The following CLIP2 variants were observed in gnomAD, a reference collection of about 807,000 sequenced individuals.
CLIP2 encodes the protein CAP-Gly domain containing linker protein 2, also known as CAP-Gly domain-containing linker protein 2.
CLIP2 carries 41 observed loss-of-function variants against 111.7 expected under a neutral mutation model. The ratio of observed to expected loss-of-function variants is 0.37; its 90% CI spans 0.29 to 0.48. The LOEUF (loss-of-function observed/expected upper bound fraction) is 0.48. CLIP2 is among the 20% of genes least tolerant of loss of function. CLIP2 has a pLI of 0.99. For missense variants in CLIP2, 1,160 were observed against 1,422.1 expected (o/e 0.82, Z 2.96); for synonymous variants, 660 against 644.2 (o/e 1.02, Z -0.37).
At chr7:74,366,817 A>G (rs1790479062) in intron 8 of CLIP2, among the ~76,000 whole-genome samples, 1 of 145,400 alleles carries the variant, frequency 6.9e-6, no homozygotes, top group South Asian at 2.3e-4. Flanking sequence ...CGGCAGTTAC[A>G]GTGAGCCGCG....
chr7:74,314,284 C>T (rs1161134459), intron 1 of CLIP2, among the ~76,000 whole-genome samples: 6 of 151,308 alleles, frequency 4.0e-5, no homozygotes, highest in Admixed American at 1.3e-4. Flanking sequence ...TAAGGTCAGG[C>T]GTTCAAGACC....
intron 3 of CLIP2, among the ~76,000 whole-genome samples, chr7:74,349,837 G>A (rs1175861554): frequency 1.3e-5 from 2 of 150,892 alleles, no homozygotes; most frequent in Non-Finnish European, 3.0e-5. Context: ...CTGGTCTTTA[G>A]CTCCTGACCT....
chr7:74,352,557 A>G (rs541999134), intron 3 of CLIP2, among the ~76,000 whole-genome samples: 1 of 152,120 alleles, frequency 6.6e-6, no homozygotes. Flanking sequence ...ATCTATGAGT[A>G]CTATCTACTT....
chr7:74,397,277 G>T, intron 14 of CLIP2, 44 bp downstream of exon 14: 1 of 1,590,846 alleles, frequency 6.3e-7, no homozygotes. Context: ...CACTAGTCCG[G>T]GTGGGGCTGG....
intron 3 of CLIP2, among the ~76,000 whole-genome samples, chr7:74,341,442 G>A (rs1789656707): frequency 6.6e-6 from 1 of 152,082 alleles, no homozygotes; most frequent in African/African-American, 2.4e-5. Context: ...GCCTCCCAAA[G>A]TGGTGGGATT....
At chr7:74,351,536 T>TA (rs1211603192) in intron 3 of CLIP2, among the ~76,000 whole-genome samples, 2 of 151,092 alleles carry the variant, frequency 1.3e-5, no homozygotes, top group Non-Finnish European at 2.9e-5. Flanking sequence ...TGTGCTCTAC[T>TA]AAAATAAGTA....
rs140879620 is a variant in CLIP2 at position 74,376,210 on chromosome 7, C to T, written c.1809C>T (p.Thr603=). ...AGLKDKVQQA[T]SENMGLMDNW... is the part of the protein sequence containing the mutation. ...TGAAGGACAAGGTTCAGCAGGCCAC[C>T]AGCGAGAACATGGGGCTAATGGACA... The change falls in exon 10 of 17, where the codon ACC becomes ACT. Residue 603 remains threonine, a synonymous_variant. Coordinates refer to ENST00000223398, the MANE Select transcript of CLIP2 (RefSeq NM_003388.5). The surrounding 1 kb of genome is among the most constrained non-coding windows in gnomAD (Gnocchi z 7.1). 111 of 1,612,558 alleles carry T rather than the reference C, an allele frequency of 6.9e-5. No individual in the cohort carries two copies. The highest frequency in any genetic ancestry group is 3.4e-5 in the Admixed American group (2 of 59,672).
At chr7:74,295,644 A>C (rs77700425) in intron 1 of CLIP2, among the ~76,000 whole-genome samples, 1,651 of 152,278 alleles carry the variant, frequency 0.011, 27 homozygotes, top group African/African-American at 0.036. Context: ...TGTGTTCTTC[A>C]TCTGATTCCA....
At chr7:74,390,198 AAAGAAAG>A (rs1197804034) in intron 13 of CLIP2, among the ~76,000 whole-genome samples, 3 of 140,352 alleles carry the variant, frequency 2.1e-5, no homozygotes, top group African/African-American at 7.5e-5. Flanking sequence ...AGAAAGAAAG[AAAGAAAG>A]AAAGAAAGAA....
chr7:74,293,236 C>G (rs1554725614), intron 1 of CLIP2, among the ~76,000 whole-genome samples: 25 of 152,222 alleles, frequency 1.6e-4, no homozygotes, highest in Non-Finnish European at 8.8e-5. Context: ...GAACAGAGAA[C>G]TTGTGCAGCA....
At chr7:74,296,714 G>A (rs781975120) in intron 1 of CLIP2, among the ~76,000 whole-genome samples, 40 of 151,396 alleles carry the variant, frequency 2.6e-4, no homozygotes, top group Non-Finnish European at 4.4e-4. Flanking sequence ...GCTTGAACCC[G>A]GGAGGCAGAG....
Position 74,338,303 on chromosome 7 carries a change from A to G in CLIP2, c.122-145A>G. 1.1e-6 allele frequency: 1 copy of G among 932,004 alleles called. No homozygotes were observed. The highest frequency in any genetic ancestry group is 1.6e-6 in the Non-Finnish European group (1 of 639,984). The allele number at this position is 932,004 out of a possible 1,614,324, so 57.7% of individuals were successfully genotyped here. A position where few individuals can be genotyped will look rare whatever the true frequency, so the allele number is the denominator to read the frequency against. On this transcript the variant is annotated intron_variant, in intron 2 of 16. Coordinates refer to ENST00000223398, the MANE Select transcript of CLIP2 (RefSeq NM_003388.5). This position sits in a 1 kb window ranked among gnomAD's most constrained non-coding sequence, Gnocchi z 4.3. Reference sequence around the variant, plus strand: ...GATTTCTTGAGGTCAGGAGTTCGAGACCAGCCTGGCCGAGATGGTGAAACC... The same window carrying G: ...GATTTCTTGAGGTCAGGAGTTCGAGGCCAGCCTGGCCGAGATGGTGAAACC...
chr7:74,358,164 G>C (rs1554308936), intron 6 of CLIP2, among the ~76,000 whole-genome samples: 3 of 151,566 alleles, frequency 2.0e-5, no homozygotes, highest in African/African-American at 7.3e-5. Flanking sequence ...CGATTCTCCT[G>C]CCTCAGCCTC....
intron 1 of CLIP2, 39 bp from the exon 2 acceptor site, chr7:74,317,441 G>T: frequency 7.8e-7 from 1 of 1,281,112 alleles, no homozygotes; most frequent in Non-Finnish European, 1.0e-6. Flanking sequence ...GGGGGCCATT[G>T]GGAAGTGATG....
At chr7:74,321,790 A>G (rs969378879) in intron 2 of CLIP2, among the ~76,000 whole-genome samples, 7 of 151,056 alleles carry the variant, frequency 4.6e-5, no homozygotes, top group African/African-American at 1.7e-4. Context: ...TTATTTTTTA[A>G]TAAAAAATAA....
intron 13 of CLIP2, among the ~76,000 whole-genome samples, chr7:74,394,867 G>A (rs1554316437): frequency 6.6e-6 from 1 of 152,174 alleles, no homozygotes; most frequent in Non-Finnish European, 1.5e-5. Flanking sequence ...CCCATCCTAA[G>A]TGGAAAAGTT....
At chr7:74,308,763 CTT>C (rs1554728082) in intron 1 of CLIP2, among the ~76,000 whole-genome samples, 1 of 152,118 alleles carries the variant, frequency 6.6e-6, no homozygotes, top group African/African-American at 2.4e-5. Context: ...CCTCGGCCGT[CTT>C]TTCATGTGCT....
intron 1 of CLIP2, among the ~76,000 whole-genome samples, chr7:74,300,727 A>G (rs1315964685): frequency 1.3e-5 from 2 of 152,184 alleles, no homozygotes; most frequent in Non-Finnish European, 2.9e-5. Context: ...AAGTGCTGGG[A>G]TTACAGGCGT....
intron 2 of CLIP2, among the ~76,000 whole-genome samples, chr7:74,326,966 T>G (rs1554730732): frequency 6.6e-6 from 1 of 151,768 alleles, no homozygotes; most frequent in Non-Finnish European, 1.5e-5. Flanking sequence ...AGTCTCACTC[T>G]GACACCCAGG....
Sources: allele counts gnomAD v4.1 joint callset (sites outside exome capture counted in the v4.1 genomes callset), GRCh38; gene constraint gnomAD v4.1.1; non-coding constraint Gnocchi (gnomAD v3.1); transcripts MANE v1.5; gene names NCBI Gene and HGNC (gene_info 2026-07-23, HGNC 2026-07-21).